ARHGAP26: variants seen among roughly 807,000 people sequenced by gnomAD.
The protein encoded by ARHGAP26 is Rho GTPase activating protein 26, also known as rho GTPase-activating protein 26.
A neutral mutation model predicts 104.8 loss-of-function variants in ARHGAP26; 38 were observed. The observed-to-expected ratio is 0.36, with a 90% CI of 0.28 to 0.48. ARHGAP26 has a LOEUF of 0.48. ARHGAP26 is among the 20% of genes least tolerant of loss of function. The pLI is 0.99. For missense variants in ARHGAP26, 704 were observed against 947.9 expected, an observed-to-expected ratio of 0.74 and a Z score of 3.38; for synonymous variants, 341 against 340.0, an observed-to-expected ratio of 1.00 and a Z score of -0.03.
At chr5:143,190,036 A>G (rs764775037) in intron 20 of ARHGAP26, among the ~76,000 whole-genome samples, 110 of 95,028 alleles carry the variant, frequency 1.2e-3, no homozygotes, top group Middle Eastern at 4.3e-3. Context: ...GAGGGGGGGG[A>G]AAAAAAAAAA....
At chr5:142,940,948 G>A (rs550029458) in intron 11 of ARHGAP26, among the ~76,000 whole-genome samples, 3 of 151,736 alleles carry the variant, frequency 2.0e-5, no homozygotes, top group Non-Finnish European at 4.4e-5. Context: ...GGTGGCGGGT[G>A]CCTGTAGTCC....
chr5:143,087,705 G>T (rs149882151), intron 17 of ARHGAP26, among the ~76,000 whole-genome samples: 4 of 124,022 alleles, frequency 3.2e-5, no homozygotes, highest in African/African-American at 1.1e-4. Flanking sequence ...GAGTGCAATG[G>T]TGCGATCTCG....
chr5:143,137,012 A>G (rs964460966), intron 19 of ARHGAP26, among the ~76,000 whole-genome samples: 2 of 152,212 alleles, frequency 1.3e-5, no homozygotes, highest in African/African-American at 2.4e-5. Context: ...CCACAGCCAC[A>G]TAGCTCATGC....
chr5:143,001,680 G>A (rs934905771), intron 11 of ARHGAP26, among the ~76,000 whole-genome samples: 1 of 152,204 alleles, frequency 6.6e-6, no homozygotes, highest in African/African-American at 2.4e-5. Context: ...ATGGAGGTGG[G>A]GGACCCACAC....
At chr5:143,212,747 A>G (rs1235011515) in intron 21 of ARHGAP26, among the ~76,000 whole-genome samples, 1 of 152,206 alleles carries the variant, frequency 6.6e-6, no homozygotes, top group Non-Finnish European at 1.5e-5. Context: ...AGCCTGAAAT[A>G]TTTACCACCC....
intron 20 of ARHGAP26, among the ~76,000 whole-genome samples, chr5:143,163,761 T>G (rs1227066960): frequency 6.6e-6 from 1 of 152,082 alleles, no homozygotes; most frequent in Non-Finnish European, 1.5e-5. Flanking sequence ...AGAGTTCTAG[T>G]TTTATGATCC....
chr5:142,955,543 G>T (rs566849803), intron 11 of ARHGAP26, among the ~76,000 whole-genome samples: 41 of 152,124 alleles, frequency 2.7e-4, no homozygotes, highest in Non-Finnish European at 5.6e-4. Flanking sequence ...AAGAAATTTG[G>T]CACAACACTT....
chr5:143,105,900 TAGAGA>T (rs1793948332), intron 17 of ARHGAP26, among the ~76,000 whole-genome samples: 1 of 152,158 alleles, frequency 6.6e-6, no homozygotes, highest in African/African-American at 2.4e-5. Context: ...CATTGCCAAA[TAGAGA>T]AGAGACTTTT....
intron 17 of ARHGAP26, among the ~76,000 whole-genome samples, chr5:143,089,317 A>G (rs534373956): frequency 1.3e-5 from 2 of 152,356 alleles, no homozygotes; most frequent in Admixed American, 6.5e-5. Context: ...ACAGCACCCG[A>G]CAAGAATAAG....
chr5:142,824,025 G>C (rs1377768373), intron 1 of ARHGAP26, among the ~76,000 whole-genome samples: 2 of 152,202 alleles, frequency 1.3e-5, no homozygotes, highest in Non-Finnish European at 2.9e-5. Context: ...TTATTTTTGT[G>C]TGTTCCAGGG....
chr5:143,220,198 G>T (rs1810957067), intron 22 of ARHGAP26, among the ~76,000 whole-genome samples: 1 of 152,168 alleles, frequency 6.6e-6, no homozygotes, highest in South Asian at 2.1e-4. Context: ...TGTCAGTCTG[G>T]CTGCTTTATT....
At chr5:142,863,342 C>A (rs144494244) in intron 1 of ARHGAP26, among the ~76,000 whole-genome samples, 2 of 152,118 alleles carry the variant, frequency 1.3e-5, no homozygotes, top group South Asian at 4.1e-4. Context: ...CTCCTGACCT[C>A]GTGATCCGCC....
chr5:143,219,596 T>C (rs1172024007), intron 22 of ARHGAP26, among the ~76,000 whole-genome samples: 1 of 152,208 alleles, frequency 6.6e-6, no homozygotes, highest in Non-Finnish European at 1.5e-5. Context: ...GAAGTGGGGC[T>C]TCAGCTAAGC....
intron 5 of ARHGAP26, among the ~76,000 whole-genome samples, chr5:142,890,174 A>ATT (rs1225912829): frequency 9.1e-6 from 1 of 110,438 alleles, no homozygotes; most frequent in Non-Finnish European, 2.0e-5. Flanking sequence ...ATATATATAT[A>ATT]TATATATATA....
At chr5:142,835,473 C>G (rs1769370416) in intron 1 of ARHGAP26, among the ~76,000 whole-genome samples, 7 of 152,218 alleles carry the variant, frequency 4.6e-5, no homozygotes, top group Admixed American at 4.6e-4. Flanking sequence ...TCTGATTCAT[C>G]AAAAACATCC....
At chr5:142,999,695 A>T (rs941373052) in intron 11 of ARHGAP26, among the ~76,000 whole-genome samples, 6 of 152,200 alleles carry the variant, frequency 3.9e-5, no homozygotes, top group African/African-American at 1.4e-4. Flanking sequence ...CATAGGACAA[A>T]ATCTATGCGA....
At chr5:142,883,478 CTT>C (rs1757287037) in intron 4 of ARHGAP26, among the ~76,000 whole-genome samples, 1 of 152,238 alleles carries the variant, frequency 6.6e-6, no homozygotes, top group Non-Finnish European at 1.5e-5. Context: ...TGTGAACAGT[CTT>C]TTAAGCAAAA....
At chr5:143,014,273 G>A (rs1048701092) in intron 12 of ARHGAP26, 157 bp downstream of exon 12, 1 of 744,026 alleles carries the variant, frequency 1.3e-6, no homozygotes, top group Admixed American at 2.2e-5. Flanking sequence ...CCAACTTTCC[G>A]CCAGTGACTC....
intron 14 of ARHGAP26, among the ~76,000 whole-genome samples, chr5:143,043,118 C>T (rs184198009): frequency 3.3e-5 from 5 of 152,292 alleles, no homozygotes; most frequent in Admixed American, 3.3e-4. Flanking sequence ...AAAATATTGG[C>T]ATTAATTTAG....
Sources: allele counts gnomAD v4.1 joint callset (sites outside exome capture counted in the v4.1 genomes callset), GRCh38; gene constraint gnomAD v4.1.1; transcripts MANE v1.5; gene names NCBI Gene and HGNC (gene_info 2026-07-23, HGNC 2026-07-21).